The following AGBL4 variants were observed in gnomAD, a reference collection of about 807,000 sequenced individuals.
AGBL4 encodes AGBL carboxypeptidase 4.
A neutral mutation model predicts 66.4 loss-of-function variants in AGBL4; 58 were observed. The ratio of observed to expected loss-of-function variants is 0.87; its 90% CI spans 0.71 to 1.09. AGBL4 has a LOEUF of 1.09. Ranked by LOEUF, AGBL4 falls within the 50% of genes least tolerant of loss-of-function variation. The probability of loss-of-function intolerance (pLI) is 0.00; values close to 1 mark genes in which losing one functional copy is unlikely to be tolerated. For synonymous variants in AGBL4, 234 were observed against 222.9 expected, an observed-to-expected ratio of 1.05 and a Z score of -0.44; for missense variants, 579 against 631.0, an observed-to-expected ratio of 0.92 and a Z score of 0.88.
At chr1:49,960,643 G>T (rs935826500) in intron 1 of AGBL4, among the ~76,000 whole-genome samples, 9 of 152,014 alleles carry the variant, frequency 5.9e-5, no homozygotes, top group Non-Finnish European at 1.0e-4. Flanking sequence ...ACTATACATT[G>T]TATGTATCAA....
intron 3 of AGBL4, among the ~76,000 whole-genome samples, chr1:49,340,121 G>A (rs886748589): frequency 1.3e-5 from 2 of 150,430 alleles, no homozygotes; most frequent in Non-Finnish European, 2.9e-5. Context: ...CTTCCACAGC[G>A]ATCTGCCCTC....
intron 2 of AGBL4, among the ~76,000 whole-genome samples, chr1:49,751,551 T>C (rs1044821534): frequency 6.6e-6 from 1 of 152,174 alleles, no homozygotes; most frequent in Non-Finnish European, 1.5e-5. Flanking sequence ...TCTTTTGTGT[T>C]GGATCTCTAC....
chr1:49,755,495 T>C (rs558469020), intron 2 of AGBL4, among the ~76,000 whole-genome samples: 107 of 152,302 alleles, frequency 7.0e-4, no homozygotes, highest in African/African-American at 2.2e-3. Context: ...GCATTAATCT[T>C]ACAAAATACT....
chr1:48,837,072 T>A (rs977239495), intron 6 of AGBL4, among the ~76,000 whole-genome samples: 2 of 149,210 alleles, frequency 1.3e-5, no homozygotes, highest in Non-Finnish European at 3.0e-5. Flanking sequence ...AATAGTAAGA[T>A]ATATAGAGAC....
chr1:48,643,299 C>A (rs569985620), intron 8 of AGBL4, among the ~76,000 whole-genome samples: 4 of 152,272 alleles, frequency 2.6e-5, no homozygotes, highest in African/African-American at 7.2e-5. Context: ...TGCCAAGTCT[C>A]AAGGCTTGTC....
chr1:49,646,158 A>G (rs534453600), intron 3 of AGBL4, among the ~76,000 whole-genome samples: 3 of 151,874 alleles, frequency 2.0e-5, no homozygotes, highest in Non-Finnish European at 4.4e-5. Context: ...AACACTGAAC[A>G]GTTGGTTCTA....
At chr1:49,354,675 A>G (rs1189329983) in intron 3 of AGBL4, among the ~76,000 whole-genome samples, 1 of 152,248 alleles carries the variant, frequency 6.6e-6, no homozygotes, top group Non-Finnish European at 1.5e-5. Flanking sequence ...AATGATTATG[A>G]TGTATAATTA....
At chr1:49,036,564 C>CTTAT (rs967915167) in intron 5 of AGBL4, among the ~76,000 whole-genome samples, 7 of 151,692 alleles carry the variant, frequency 4.6e-5, no homozygotes, top group Admixed American at 6.6e-5. Context: ...ATATGATTGT[C>CTTAT]TTATTTATTT....
At chr1:48,797,906 T>G (rs1469722247) in intron 6 of AGBL4, among the ~76,000 whole-genome samples, 1 of 152,230 alleles carries the variant, frequency 6.6e-6, no homozygotes, top group East Asian at 1.9e-4. Flanking sequence ...TGGTTCCATA[T>G]TTTTGCAATT....
intron 3 of AGBL4, among the ~76,000 whole-genome samples, chr1:49,442,663 C>T (rs560587938): frequency 1.1e-3 from 174 of 152,272 alleles, no homozygotes; most frequent in Non-Finnish European, 1.9e-3. Flanking sequence ...CATTAATAGA[C>T]GCTTACGTTG....
At chr1:48,555,847 C>T (rs12066734) in intron 11 of AGBL4, among the ~76,000 whole-genome samples, 25,259 of 152,020 alleles carry the variant, frequency 0.17, 2,504 homozygotes, top group African/African-American at 0.27. Context: ...AAAGATGATA[C>T]TTGGGTGCTG....
At chr1:49,947,732 C>T (rs1655349411) in intron 1 of AGBL4, among the ~76,000 whole-genome samples, 1 of 150,206 alleles carries the variant, frequency 6.7e-6, no homozygotes, top group Non-Finnish European at 1.5e-5. Flanking sequence ...GCATCCAAAT[C>T]GGTAAAGAGG....
rs182608505 is a variant in AGBL4, at chr1:49,738,996, G to A, written c.158-41559C>T. 1.1e-3 allele frequency among the ~76,000 whole-genome samples: 170 copies of A among 152,290 alleles called. 1 individual carries two copies. Among genetic ancestry groups the A allele is most frequent in the Admixed American group, 0.01 (156 of 15,300 alleles). ...AACTAAAAAGTCTGAAAATCAGAGC[G>A]CCTCTCCTCCTCCAAAGGAACGCAG... On this transcript the variant is annotated intron_variant, in intron 2 of 13. Transcript: ENST00000371839.
intron 4 of AGBL4, among the ~76,000 whole-genome samples, chr1:49,169,696 C>T (rs1311445033): frequency 1.3e-5 from 2 of 152,056 alleles, no homozygotes; most frequent in Non-Finnish European, 2.9e-5. Flanking sequence ...TTCTATGTGC[C>T]GGGCACCATC....
intron 3 of AGBL4, among the ~76,000 whole-genome samples, chr1:49,333,859 T>C (rs1031482237): frequency 2.0e-5 from 3 of 152,198 alleles, no homozygotes; most frequent in African/African-American, 7.2e-5. Flanking sequence ...TATTTAAATT[T>C]GTGGGACTTC....
intron 2 of AGBL4, among the ~76,000 whole-genome samples, chr1:49,727,197 C>G (rs996392857): frequency 6.6e-6 from 1 of 151,976 alleles, no homozygotes; most frequent in Non-Finnish European, 1.5e-5. Flanking sequence ...AATGATAATA[C>G]GTGCTACAGG....
chr1:49,385,348 T>A (rs1644715204), intron 3 of AGBL4, among the ~76,000 whole-genome samples: 2 of 152,226 alleles, frequency 1.3e-5, no homozygotes, highest in South Asian at 4.1e-4. Flanking sequence ...ATTTACTGAA[T>A]AAAAGACTAC....
Position 49,704,475 on chromosome 1 carries a change from A to G in AGBL4, c.158-7038T>C, listed in dbSNP as rs374663559. Among the ~76,000 whole-genome samples the G allele has an allele frequency of 3.4e-4, 52 of 152,276 alleles. 1 individual carries two copies. The South Asian group carries it at 9.5e-3, about 28-fold the overall frequency. The stretch of plus-strand genomic sequence containing the variant: ...CTCAAAATGGATCATAGACACAAAT[A>G]TAAAACCCAAAATTATAACATGTGT... On this transcript the variant is annotated intron_variant, in intron 2 of 13. Transcript: ENST00000371839.
At chr1:48,560,096 C>A (rs960067607) in intron 11 of AGBL4, among the ~76,000 whole-genome samples, 1 of 152,186 alleles carries the variant, frequency 6.6e-6, no homozygotes, top group Admixed American at 6.5e-5. Context: ...CCTATCCCCT[C>A]CTCTGAACTC....
Sources: allele counts gnomAD v4.1 joint callset (sites outside exome capture counted in the v4.1 genomes callset), GRCh38; gene constraint gnomAD v4.1.1; transcripts MANE v1.5; gene names NCBI Gene and HGNC (gene_info 2026-07-23, HGNC 2026-07-21).